RBMX: variants seen among roughly 807,000 people sequenced by gnomAD.
The protein encoded by RBMX is RNA-binding motif protein, X chromosome.
In RBMX, 1 loss-of-function variant was observed where a neutral mutation model predicts 29.3. The observed-to-expected ratio is 0.03, with a 90% confidence interval of 0.01 to 0.16. The LOEUF (loss-of-function observed/expected upper bound fraction) is 0.16, where lower values mean the gene tolerates loss of function less well. Ranked by LOEUF, RBMX falls within the 10% of genes least tolerant of loss-of-function variation. The pLI is 1.00. For missense variants in RBMX, 121 were observed against 333.2 expected (o/e 0.36, Z 4.96); for synonymous variants, 102 against 102.3 (o/e 1.00, Z 0.02).
At chrX:136,871,811 G>GT (rs750533072), downstream of RBMX, among the ~76,000 whole-genome samples, 23,715 of 74,862 alleles carry the variant, frequency 0.32, 5,223 homozygotes, top group Non-Finnish European at 0.51. Flanking sequence ...CACGCCCGGT[G>GT]TTTTTTTTTT....
At chrX:136,879,571 G>GA (rs1378639145) in intron 1 of RBMX, 118 bp from the exon 2 acceptor site, 1 of 633,251 alleles carries the variant, frequency 1.6e-6, no homozygotes, top group East Asian at 3.5e-5. Context: ...AATAACTAAA[G>GA]AAAACGATAA....
rs866589446 is a variant in RBMX, at chrX:136,875,500, T to C, written c.627A>G (p.Pro209=). The part of the protein sequence containing the change: ...LPSRRDVYLS[P]RDDGYSTKDS... ...CTTTAGTAGAATACCCATCATCTCT[T>C]GGGGACAAATAAACATCTCTACGAG... The change falls in exon 6 of 9, where the codon CCA becomes CCG. Residue 209 remains proline (P), a synonymous_variant. Coordinates refer to ENST00000320676, the MANE Select transcript of RBMX (RefSeq NM_002139.4). The C allele has an allele frequency of 1.7e-6, 2 of 1,211,927 alleles. No homozygotes were observed. Among genetic ancestry groups the C allele is most frequent in the Non-Finnish European group, 2.2e-6 (2 of 895,616 alleles).
intron 2 of RBMX, 28 bp downstream of exon 2, chrX:136,879,290 AG>A (rs1193421788): frequency 8.3e-7 from 1 of 1,201,315 alleles, no homozygotes; most frequent in East Asian, 3.0e-5. Flanking sequence ...TAATTATAAT[AG>A]CCCAGCCTGT....
At position 136,874,238 on chromosome X, in the gene RBMX, T is replaced by C. The variant is rs1768551022; in HGVS notation, c.1080A>G (p.Pro360=). 5 of 1,212,383 alleles carry C rather than the reference T, an allele frequency of 4.1e-6. No individual in the cohort carries two copies. Among genetic ancestry groups the C allele is most frequent in the Non-Finnish European group, 5.6e-6 (5 of 895,611 alleles). The part of the protein sequence containing the change: ...PPSMERGYPP[P]RDSYSSSSRG... ...GGCTTGAACTGCTGTAGGAATCACG[T>C]GGAGGAGGGTACCCCCTTTCCATAG... The change falls in exon 9 of 9, where the codon CCA becomes CCG. Residue 360 remains proline (P), a synonymous_variant. Transcript: ENST00000320676.
chrX:136,871,146 T>TA (rs1467253564), downstream of RBMX, among the ~76,000 whole-genome samples: 34 of 100,621 alleles, frequency 3.4e-4, no homozygotes, highest in Non-Finnish European at 1.8e-4. Context: ...CACGCAAGCT[T>TA]AAAAAATCAA....
rs773236698 is a variant in RBMX at position 136,875,072 on chromosome X, A to C, written c.865+14T>G. The stretch of plus-strand genomic sequence containing the variant: ...CAAGCTGGTGATACTAAAGACCCTT[A>C]ACCAGTATCTTACCATAACTCTCAT... On this transcript the variant is annotated intron_variant, in intron 8 of 8. Transcript: ENST00000320676. 1 of 1,208,885 alleles carries C rather than the reference A, an allele frequency of 8.3e-7. No individual in the cohort carries two copies. Among genetic ancestry groups the C allele is most frequent in the African/African-American group, 1.7e-5 (1 of 57,238 alleles).
intron 4 of RBMX, among the ~76,000 whole-genome samples, chrX:136,876,917 C>A (rs1250995264): frequency 5.7e-5 from 6 of 104,981 alleles, no homozygotes; most frequent in Non-Finnish European, 9.8e-5. Context: ...TTTCACCATG[C>A]TGGCCAGGCT....
downstream of RBMX, among the ~76,000 whole-genome samples, chrX:136,871,518 T>TA (rs752675486): frequency 5.6e-4 from 62 of 111,390 alleles, no homozygotes; most frequent in African/African-American, 1.8e-3. Context: ...AAAATTATGT[T>TA]AAACAGGGAG....
intron 1 of RBMX, among the ~76,000 whole-genome samples, chrX:136,879,804 C>G (rs1483379456): frequency 4.5e-5 from 5 of 111,473 alleles, no homozygotes; most frequent in Non-Finnish European, 7.5e-5. Context: ...CCCTTCCTAA[C>G]GATGGTTTTA....
chrX:136,879,276 A>G, intron 2 of RBMX, 43 bp downstream of exon 2: 3 of 1,199,286 alleles, frequency 2.5e-6, no homozygotes, highest in Non-Finnish European at 3.4e-6. Flanking sequence ...CATAGCTTAT[A>G]TTTTAATTAT....
chrX:136,875,678 T>C, intron 5 of RBMX, 93 bp from the exon 6 acceptor site: 1 of 1,067,918 alleles, frequency 9.4e-7, no homozygotes, highest in Non-Finnish European at 1.3e-6. Context: ...TGAGACTGAC[T>C]TCAAAGATGA....
rs2148712946 is a variant in RBMX, at chrX:136,878,042, T to C, written c.261A>G (p.Pro87=). The part of the protein sequence containing the change: ...KAIKVEQATK[P]SFESGRRGPP... ...GTCCACGTCTACCACTTTCAAATGA[T>C]GGTTTGGTGGCTTGTTCCACCTTGA... Residue 87 remains proline (P), a synonymous_variant, in exon 4 of 9, where the codon CCA becomes CCG. Coordinates refer to ENST00000320676, the MANE Select transcript of RBMX (RefSeq NM_002139.4). The C allele has an allele frequency of 5.0e-6, 6 of 1,208,501 alleles. No homozygotes were observed. In the South Asian group the frequency reaches 1.1e-4, roughly 21 times the overall value.
Position 136,875,135 on chromosome X carries a change from A to G in RBMX, c.816T>C (p.Tyr272=). Residue 272 remains tyrosine (Y), a synonymous_variant, in exon 8 of 9, where the codon TAT becomes TAC. Transcript: ENST00000320676. ...DRDGYGRDRD[Y]SDHPSGGSYR... ...AGGAACCTCCACTTGGATGATCTGA[A>G]TAGTCACGATCACGACCATATCCAT... The G allele has an allele frequency of 7.4e-6, 9 of 1,211,974 alleles. No homozygotes were observed. Among genetic ancestry groups the G allele is most frequent in the Non-Finnish European group, 1.0e-5 (9 of 895,591 alleles).
downstream of RBMX, chrX:136,872,683 C>A (rs2077692209): frequency 5.5e-6 from 1 of 181,506 alleles, no homozygotes; most frequent in Admixed American, 7.4e-5. Context: ...TTACTATATT[C>A]AAGAGCATCT....
In RBMX at chrX:136,876,672, A is replaced by G. The variant is rs892829356; in HGVS notation, c.389-17T>C. The G allele has an allele frequency of 1.3e-5, 15 of 1,150,884 alleles. No homozygotes were observed. Among genetic ancestry groups the G allele is most frequent in the Non-Finnish European group, 1.6e-5 (14 of 865,975 alleles). The allele number at this position is 1,150,884 out of a possible 1,213,427, so 94.8% of individuals were successfully genotyped here. A position where few individuals can be genotyped will look rare whatever the true frequency, so the allele number is the denominator to read the frequency against. ...CACCGTCATCTGCATCAAAAATAGA[A>G]AAGAAAAATATTACTACTCACAAGA... On this transcript the variant is annotated splice_polypyrimidine_tract_variant and intron_variant, in intron 4 of 8. Transcript: ENST00000320676.
chrX:136,875,447 T>C, intron 6 of RBMX, 24 bp downstream of exon 6: 1 of 1,207,532 alleles, frequency 8.3e-7, no homozygotes, highest in Non-Finnish European at 1.1e-6. Context: ...ATTATTAATT[T>C]AAAAAGCTGC....
chrX:136,875,099 T>A lies in RBMX; in HGVS notation c.852A>T (p.Ser284=). The change falls in exon 8 of 9, where the codon TCA becomes TCT. Residue 284 remains serine (S), a synonymous_variant. Transcript: ENST00000320676. ...CCAGTATCTTACCATAACTCTCATA[T>A]GAATCTCTGTAGGAACCTCCACTTG... The part of the protein sequence containing the change: ...DHPSGGSYRD[S]YESYGNSRSA... 1.7e-6 allele frequency: 2 copies of A among 1,211,766 alleles called. No homozygotes were observed. The highest frequency in any genetic ancestry group is 2.2e-6 in the Non-Finnish European group (2 of 895,580).
At chrX:136,872,258 C>T, downstream of RBMX, 1 of 1,140,831 alleles carries the variant, frequency 8.8e-7, no homozygotes, top group Non-Finnish European at 1.2e-6. Context: ...CCATTGCTTT[C>T]AACACTTACC....
At chrX:136,871,954 AGCAAACTTCTTACGTGT>A (rs2077688082), downstream of RBMX, among the ~76,000 whole-genome samples, 1 of 110,355 alleles carries the variant, frequency 9.1e-6, no homozygotes, top group Non-Finnish European at 1.9e-5. Flanking sequence ...TGCCCAGCTG[AGCAAACTTCTTACGTGT>A]GTACTTCCTT....
Sources: gnomAD v4.1 joint callset for allele counts (sites outside exome capture counted in the v4.1 genomes callset) on GRCh38, gnomAD v4.1.1 for gene constraint, MANE v1.5 for transcripts, NCBI Gene and HGNC (gene_info 2026-07-23, HGNC 2026-07-21) for gene names.